Variants in PMP22 observed in about 807,000 individuals in gnomAD.
PMP22 encodes the protein Charcot-Marie-Tooth neuropathy 1A (greatly reduced nerve conduction velocity, hereditary motor sensory neuropathy Ia).
PMP22 carries 2 observed loss-of-function variants against 18.9 expected under a neutral mutation model. That is an observed-to-expected ratio of 0.11 (90% confidence interval 0.04 to 0.33). The LOEUF (loss-of-function observed/expected upper bound fraction) is 0.33. PMP22 is among the 10% of genes least tolerant of loss of function. The pLI is 1.00. For missense variants in PMP22, 169 were observed against 202.2 expected, an observed-to-expected ratio of 0.84 and a Z score of 1.00; for synonymous variants, 95 against 89.2, an observed-to-expected ratio of 1.07 and a Z score of -0.37.
chr17:15,230,834 T>C lies in PMP22; in HGVS notation c.*83A>G. On this transcript the variant is annotated 3_prime_UTR_variant, in exon 5 of 5. Coordinates refer to ENST00000312280, the MANE Select transcript of PMP22 (RefSeq NM_000304.4). The stretch of plus-strand genomic sequence containing the variant: ...TTTGAGTTTGGGATTTTGGGCTAGC[T>C]CTTTTTTCTTTGTCTGCTTTCTGTT... 6.7e-7 allele frequency: 1 copy of C among 1,499,520 alleles called. No homozygotes were observed. Among genetic ancestry groups the C allele is most frequent in the Non-Finnish European group, 9.2e-7 (1 of 1,081,788 alleles). The allele number at this position is 1,499,520 out of a possible 1,614,324, so 92.9% of individuals were successfully genotyped here. A position where few individuals can be genotyped will look rare whatever the true frequency, so the allele number is the denominator to read the frequency against.
chr17:15,235,171 A>G (rs560156724), intron 4 of PMP22: 3 of 716,700 alleles, frequency 4.2e-6, no homozygotes, highest in East Asian at 5.4e-5. Context: ...TTCTATTAAC[A>G]AAACAAATGA....
intron 3 of PMP22, among the ~76,000 whole-genome samples, chr17:15,253,010 A>G (rs1908495536): frequency 6.6e-6 from 1 of 152,252 alleles, no homozygotes; most frequent in Non-Finnish European, 1.5e-5. Flanking sequence ...TGATATTTGG[A>G]TCTTGGAGAC....
At chr17:15,237,405 C>T (rs1201625833) in intron 4 of PMP22, among the ~76,000 whole-genome samples, 1 of 152,192 alleles carries the variant, frequency 6.6e-6, no homozygotes, top group Non-Finnish European at 1.5e-5. Flanking sequence ...TCCCAAGGAG[C>T]CCATTCAACA....
At position 15,241,246 on chromosome 17, in the gene PMP22, C is replaced by T. The variant is rs190124170; in HGVS notation, c.179-1635G>A. ...GGTTGTGAGCCATCCTGATTTCACT[C>T]TTACATAACCTTAATCAAATGTTTG... On this transcript the variant is annotated intron_variant, in intron 3 of 4. Transcript: ENST00000312280. Among the ~76,000 whole-genome samples, 646 of 152,300 alleles carry T rather than the reference C, an allele frequency of 4.2e-3. 2 individuals carry two copies. The highest frequency in any genetic ancestry group is 6.1e-3 in the Admixed American group (93 of 15,304).
At chr17:15,245,830 A>C (rs230914) in intron 3 of PMP22, among the ~76,000 whole-genome samples, 79,351 of 150,184 alleles carry the variant, frequency 0.53, 21,065 homozygotes, top group Middle Eastern at 0.61. Flanking sequence ...CACAGTGAAA[A>C]CCCGTCTCTA....
chr17:15,259,322 G>T, intron 2 of PMP22, 129 bp from the exon 3 acceptor site: 1 of 737,380 alleles, frequency 1.4e-6, no homozygotes, highest in Non-Finnish European at 2.4e-6. Flanking sequence ...ACCCCTGCAT[G>T]GTAAGAGCCA....
chr17:15,241,339 G>A (rs2531951), intron 3 of PMP22, among the ~76,000 whole-genome samples: 82,599 of 151,926 alleles, frequency 0.54, 22,735 homozygotes, highest in African/African-American at 0.63. Flanking sequence ...TCATAATATT[G>A]TTTGCTTAAA....
At chr17:15,259,341 T>C in intron 2 of PMP22, 148 bp from the exon 3 acceptor site, 1 of 708,264 alleles carries the variant, frequency 1.4e-6, no homozygotes, top group Non-Finnish European at 2.6e-6. Context: ...CAACGTTTTA[T>C]GACTTAAAAG....
intron 3 of PMP22, among the ~76,000 whole-genome samples, chr17:15,246,590 A>C (rs1191982985): frequency 1.3e-5 from 2 of 152,234 alleles, no homozygotes; most frequent in Non-Finnish European, 2.9e-5. Context: ...CAGTGTGGCG[A>C]TACTCTTCCC....
chr17:15,244,456 C>T (rs1907618704), intron 3 of PMP22, among the ~76,000 whole-genome samples: 1 of 152,108 alleles, frequency 6.6e-6, no homozygotes, highest in Non-Finnish European at 1.5e-5. Context: ...AGCGTAATGA[C>T]ACTATATGTG....
chr17:15,250,553 C>T (rs1170100476), intron 3 of PMP22, among the ~76,000 whole-genome samples: 3 of 152,134 alleles, frequency 2.0e-5, no homozygotes, highest in Admixed American at 6.5e-5. Flanking sequence ...TACACCTTCC[C>T]GCAAATCTTC....
intron 3 of PMP22, among the ~76,000 whole-genome samples, chr17:15,239,869 A>C (rs1424572445): frequency 6.6e-6 from 1 of 152,252 alleles, no homozygotes; most frequent in Non-Finnish European, 1.5e-5. Context: ...ACATATACAA[A>C]CACACACATG....
intron 3 of PMP22, among the ~76,000 whole-genome samples, chr17:15,248,134 C>T (rs1257183789): frequency 6.6e-6 from 1 of 152,236 alleles, no homozygotes; most frequent in African/African-American, 2.4e-5. Flanking sequence ...GGTCTTGCCC[C>T]CTGGGCTTCA....
intron 3 of PMP22, among the ~76,000 whole-genome samples, chr17:15,255,481 G>A (rs9893338): frequency 6.6e-6 from 1 of 152,066 alleles, no homozygotes; most frequent in African/African-American, 2.4e-5. Context: ...AAACCCAAGA[G>A]ATGGCAAAGA....
At chr17:15,260,824 G>C in intron 1 of PMP22, 63 bp from the exon 2 acceptor site, 5 of 1,129,982 alleles carry the variant, frequency 4.4e-6, no homozygotes, top group Non-Finnish European at 6.5e-6. Flanking sequence ...GGCGCGCGCA[G>C]AGGGAGGGTC....
In PMP22 at chr17:15,231,024, G is replaced by C; in HGVS notation, c.376C>G (p.Leu126Val). Residue 126 changes from leucine to valine, a missense_variant, in exon 5 of 5, where the codon CTC (leucine) becomes GTC (valine). Coordinates refer to ENST00000312280, the MANE Select transcript of PMP22 (RefSeq NM_000304.4). ...AAACCGTAGGAGTAATCCGAGTTGA[G>C]ATGCCACTCCGGGTGCCTCACCGTG... ...IYTVRHPEWH[L>V]NSDYSYGFAY... 6.2e-7 allele frequency: 1 copy of C among 1,614,136 alleles called. No individual in the cohort carries two copies. The highest frequency in any genetic ancestry group is 1.1e-5 in the South Asian group (1 of 91,088).
intron 3 of PMP22, among the ~76,000 whole-genome samples, chr17:15,256,164 T>C (rs1908807077): frequency 1.3e-5 from 2 of 148,784 alleles, no homozygotes; most frequent in South Asian, 2.1e-4. Context: ...CTATTTCTAA[T>C]ATTAAGATGT....
At chr17:15,260,605 G>A in intron 2 of PMP22, 45 bp downstream of exon 2, 2 of 1,483,456 alleles carry the variant, frequency 1.3e-6, no homozygotes, top group Non-Finnish European at 1.8e-6. Flanking sequence ...GAACCCAGAT[G>A]GGGAAGGGCG....
At chr17:15,238,492 G>A (rs1031885403) in intron 4 of PMP22, among the ~76,000 whole-genome samples, 6 of 152,172 alleles carry the variant, frequency 3.9e-5, no homozygotes, top group African/African-American at 1.4e-4. Flanking sequence ...ACATCTCCCA[G>A]TACCTAGACA....
Sources: allele counts gnomAD v4.1 joint callset (sites outside exome capture counted in the v4.1 genomes callset), GRCh38; gene constraint gnomAD v4.1.1; transcripts MANE v1.5; gene names NCBI Gene and HGNC (gene_info 2026-07-23, HGNC 2026-07-21).